MME: variants seen among roughly 807,000 people sequenced by gnomAD.
The protein encoded by MME is membrane metalloendopeptidase, also known as neprilysin.
In MME, 98 loss-of-function variants were observed where a neutral mutation model predicts 113.2. The ratio of observed to expected loss-of-function variants is 0.87; its 90% CI spans 0.74 to 1.02. The LOEUF (loss-of-function observed/expected upper bound fraction) is 1.02. MME is among the 50% of genes least tolerant of loss of function. MME has a pLI of 0.00. For synonymous variants in MME, 292 were observed against 300.6 expected, an observed-to-expected ratio of 0.97 and a Z score of 0.30; for missense variants, 836 against 896.0, an observed-to-expected ratio of 0.93 and a Z score of 0.86.
intron 16 of MME, among the ~76,000 whole-genome samples, chr3:155,156,810 G>A (rs1214121580): frequency 6.6e-6 from 1 of 152,024 alleles, no homozygotes; most frequent in Non-Finnish European, 1.5e-5. Context: ...TAAATGCTGA[G>A]AAATTGAACA....
chr3:155,126,210 T>C (rs1719637809), intron 8 of MME, among the ~76,000 whole-genome samples: 1 of 152,202 alleles, frequency 6.6e-6, no homozygotes, highest in Non-Finnish European at 1.5e-5. Flanking sequence ...CTGCTTTCTG[T>C]TACAGATTTG....
chr3:155,139,712 C>A (rs1211255841), intron 9 of MME, among the ~76,000 whole-genome samples: 1 of 152,176 alleles, frequency 6.6e-6, no homozygotes, highest in Non-Finnish European at 1.5e-5. Flanking sequence ...TAGGAAGTTT[C>A]TCTGTTACTT....
intron 8 of MME, among the ~76,000 whole-genome samples, chr3:155,135,191 C>T (rs1487477539): frequency 2.6e-5 from 4 of 152,022 alleles, no homozygotes; most frequent in Non-Finnish European, 4.4e-5. Context: ...CTTTTGAGGA[C>T]TTAGTGATAA....
rs199801768 is a variant in MME at position 155,085,042 on chromosome 3, T to G, written c.161-17T>G. 11 of 1,566,138 alleles carry G rather than the reference T, an allele frequency of 7.0e-6. No individual in the cohort carries two copies. The highest frequency in any genetic ancestry group is 9.6e-6 in the Non-Finnish European group (11 of 1,143,890). ...TTTGTGTTGCCAATATTTATGTATA[T>G]TCTCTCCTTTTTCTAGATGGTATTT... On this transcript the variant is annotated splice_polypyrimidine_tract_variant and intron_variant, in intron 2 of 22. Coordinates refer to ENST00000360490, the MANE Select transcript of MME (RefSeq NM_007289.4).
At chr3:155,026,576 T>C (rs574700065) in intron 1 of MME, among the ~76,000 whole-genome samples, 14 of 152,204 alleles carry the variant, frequency 9.2e-5, no homozygotes, top group African/African-American at 3.1e-4. Flanking sequence ...TTGCAAAAAT[T>C]AGCTGGGTGT....
chr3:155,097,164 T>C (rs1445419858), intron 3 of MME, among the ~76,000 whole-genome samples: 5 of 152,068 alleles, frequency 3.3e-5, no homozygotes, highest in Admixed American at 3.3e-4. Flanking sequence ...GTGAGATAGT[T>C]TAAATTTGAG....
chr3:155,139,492 T>C (rs996638759), intron 9 of MME, among the ~76,000 whole-genome samples: 32 of 152,212 alleles, frequency 2.1e-4, no homozygotes, highest in African/African-American at 7.5e-4. Context: ...ATAATTCCAA[T>C]TTTAAACCTT....
At position 155,050,160 on chromosome 3, in the gene MME, G is replaced by A. The variant is rs141233923; in HGVS notation, c.-11+25836G>A. On this transcript the variant is annotated intron_variant, in intron 1 of 22. Transcript: ENST00000492661. ...CTATTCATGTTGCTGCAAAGGACAC[G>A]ATTTCATTCTTTTTTATGGCTGCGT... Among the ~76,000 whole-genome samples the A allele has an allele frequency of 8.8e-3, 1,339 of 152,186 alleles. 23 individuals carry two copies. The highest frequency in any genetic ancestry group is 0.031 in the African/African-American group (1,274 of 41,528).
intron 1 of MME, among the ~76,000 whole-genome samples, chr3:155,061,695 T>C (rs1714154666): frequency 6.7e-6 from 1 of 148,982 alleles, no homozygotes; most frequent in South Asian, 2.2e-4. Flanking sequence ...AGAGTCTTGC[T>C]CTGTTGCCGA....
At chr3:155,049,599 T>A (rs1181035065) in intron 1 of MME, among the ~76,000 whole-genome samples, 1 of 151,986 alleles carries the variant, frequency 6.6e-6, no homozygotes, top group African/African-American at 2.4e-5. Context: ...TTAAGGAACA[T>A]GGTAGAGAGA....
chr3:155,169,366 G>A (rs529953824), intron 20 of MME, among the ~76,000 whole-genome samples: 1 of 152,278 alleles, frequency 6.6e-6, no homozygotes, highest in African/African-American at 2.4e-5. Context: ...GCATCCGTTA[G>A]AATCCCATTT....
chr3:155,036,304 T>C (rs1713125835), intron 1 of MME, among the ~76,000 whole-genome samples: 1 of 152,196 alleles, frequency 6.6e-6, no homozygotes, highest in South Asian at 2.1e-4. Context: ...AATACACCAA[T>C]TTAAAATGTT....
chr3:155,097,292 G>A (rs1460076865), intron 3 of MME, among the ~76,000 whole-genome samples: 3 of 152,194 alleles, frequency 2.0e-5, no homozygotes, highest in Non-Finnish European at 4.4e-5. Flanking sequence ...AAATGGAGAA[G>A]AGAACCCAGA....
At chr3:155,107,046 A>G (rs931891197) in intron 3 of MME, among the ~76,000 whole-genome samples, 2 of 152,204 alleles carry the variant, frequency 1.3e-5, no homozygotes, top group African/African-American at 4.8e-5. Flanking sequence ...ACATTAATTC[A>G]GTGCAGATTA....
intron 14 of MME, among the ~76,000 whole-genome samples, chr3:155,145,120 A>G (rs1721403987): frequency 2.0e-5 from 3 of 152,150 alleles, no homozygotes; most frequent in Admixed American, 2.0e-4. Flanking sequence ...TCAGCTCTCA[A>G]AGAGCCCTGA....
chr3:155,024,617 A>T (rs961045843), intron 1 of MME, among the ~76,000 whole-genome samples: 3 of 152,146 alleles, frequency 2.0e-5, no homozygotes, highest in Admixed American at 6.5e-5. Context: ...ATATCATTCC[A>T]CTTTTTCTGC....
At chr3:155,083,067 A>T (rs1303572008) in intron 1 of MME, among the ~76,000 whole-genome samples, 1 of 152,192 alleles carries the variant, frequency 6.6e-6, no homozygotes, top group Non-Finnish European at 1.5e-5. Context: ...TAATCCTTGG[A>T]GACTGGCTGA....
rs1713032380 is a variant in MME, at chr3:155,181,004, TAC to T, written c.*547_*548del. ...CATAGTTTTAAACTCATTTTTGCCA[TAC>T]ATCAGTTATTCATTCTGTGATCATT... On this transcript the variant is annotated 3_prime_UTR_variant, in exon 23 of 23. Coordinates refer to ENST00000360490, the MANE Select transcript of MME (RefSeq NM_007289.4). The T allele has an allele frequency of 6.4e-6, 1 of 156,150 alleles. No homozygotes were observed. The highest frequency in any genetic ancestry group is 2.4e-5 in the African/African-American group (1 of 41,464). The allele number at this position is 156,150 out of a possible 1,614,324, so 9.7% of individuals were successfully genotyped here.
intron 20 of MME, 57 bp from the exon 21 acceptor site, chr3:155,172,060 T>C: frequency 9.9e-7 from 1 of 1,014,498 alleles, no homozygotes; most frequent in South Asian, 1.3e-5. Context: ...TTTACATAGG[T>C]TTATATATAA....
Sources: gnomAD v4.1 joint callset for allele counts (sites outside exome capture counted in the v4.1 genomes callset) on GRCh38, gnomAD v4.1.1 for gene constraint, MANE v1.5 for transcripts, NCBI Gene and HGNC (gene_info 2026-07-23, HGNC 2026-07-21) for gene names.